The following CMIP variants were observed in gnomAD, a reference collection of about 807,000 sequenced individuals.
The protein encoded by CMIP is C-Maf-inducing protein.
CMIP carries 13 observed loss-of-function variants against 97.3 expected under a neutral mutation model. That is an observed-to-expected ratio of 0.13 (90% CI 0.09 to 0.21). The LOEUF is 0.21. CMIP is among the 10% of genes least tolerant of loss of function. The pLI is 1.00. For synonymous variants in CMIP, 538 were observed against 436.3 expected (o/e 1.23, Z -2.91); for missense variants, 847 against 1,024.9 (o/e 0.83, Z 2.37).
Position 81,584,628 on chromosome 16 carries a change from G to T in CMIP, c.301-22939G>T, listed in dbSNP as rs114265054. Among the ~76,000 whole-genome samples, 312 of 152,072 alleles carry T rather than the reference G, an allele frequency of 2.1e-3. 3 individuals are homozygous for T. The highest frequency in any genetic ancestry group is 7.0e-3 in the African/African-American group (290 of 41,478). On this transcript the variant is annotated intron_variant, in intron 1 of 20. Transcript: ENST00000537098. ...GCTGCAGTCCCACATAATGACAGGA[G>T]CCTTGGTTCATCCAACTAGGAAGAC...
chr16:81,600,275 G>GAAAAAAAAAAAAA (rs71146022), intron 1 of CMIP, among the ~76,000 whole-genome samples: 1 of 81,714 alleles, frequency 1.2e-5, no homozygotes, highest in Non-Finnish European at 2.3e-5. Context: ...GACTCCATCT[G>GAAAAAAAAAAAAA]AAAAAAAAAA....
At chr16:81,675,918 G>T (rs564445540) in intron 9 of CMIP, among the ~76,000 whole-genome samples, 46 of 152,298 alleles carry the variant, frequency 3.0e-4, no homozygotes, top group African/African-American at 1.1e-3. Context: ...TGCAGGCTGG[G>T]GATCACTCTG....
At chr16:81,486,723 G>A (rs1473199353) in intron 1 of CMIP, among the ~76,000 whole-genome samples, 1 of 152,248 alleles carries the variant, frequency 6.6e-6, no homozygotes, top group South Asian at 2.1e-4. Flanking sequence ...AACTCCCTAA[G>A]CGAATCCAGC....
At chr16:81,672,708 T>G (rs771591159) in intron 9 of CMIP, among the ~76,000 whole-genome samples, 1 of 152,280 alleles carries the variant, frequency 6.6e-6, no homozygotes, top group East Asian at 1.9e-4. Flanking sequence ...CCCGAGTAGC[T>G]AGGACCACAG....
In CMIP at chr16:81,516,616, G is replaced by T. The variant is rs114216145; in HGVS notation, c.300+71075G>T. Among the ~76,000 whole-genome samples the T allele has an allele frequency of 1.8e-3, 276 of 152,318 alleles. 2 individuals carry two copies. Among genetic ancestry groups the T allele is most frequent in the African/African-American group, 6.4e-3 (267 of 41,586 alleles). On this transcript the variant is annotated intron_variant, in intron 1 of 20. Transcript: ENST00000537098. ...CTCCCAGCCTGGATGCATCTCGTCA[G>T]TGCGCGGGCACTTGTGCGTCACTGC...
At chr16:81,468,636 G>C (rs1382814615) in intron 1 of CMIP, among the ~76,000 whole-genome samples, 1 of 152,260 alleles carries the variant, frequency 6.6e-6, no homozygotes, top group Non-Finnish European at 1.5e-5. Flanking sequence ...GGAGTGTGGA[G>C]ACAACAGCAT....
At chr16:81,556,607 G>A (rs562137750) in intron 1 of CMIP, among the ~76,000 whole-genome samples, 1 of 152,188 alleles carries the variant, frequency 6.6e-6, no homozygotes, top group African/African-American at 2.4e-5. Context: ...AAGGGGAGCC[G>A]GGAGTTGGTG....
chr16:81,627,785 C>T lies in CMIP; in HGVS notation c.477+6859C>T, dbSNP rs1421627830. Among the ~76,000 whole-genome samples, 2 of 152,178 alleles carry T rather than the reference C, an allele frequency of 1.3e-5. No individual in the cohort carries two copies. Among genetic ancestry groups the T allele is most frequent in the Non-Finnish European group, 2.9e-5 (2 of 68,026 alleles). On this transcript the variant is annotated intron_variant, in intron 3 of 20. Transcript: ENST00000537098. The surrounding 1 kb of genome is among the most constrained non-coding windows in gnomAD (Gnocchi z 4.6). The stretch of plus-strand genomic sequence containing the variant: ...TGCCTCCCAGCGAGGGTCACAATCT[C>T]GCTTCCACCTCATGAGTGGCTGCGG...
chr16:81,563,105 C>G (rs4889339), intron 1 of CMIP, among the ~76,000 whole-genome samples: 24,053 of 152,260 alleles, frequency 0.16, 2,415 homozygotes, highest in African/African-American at 0.29. Flanking sequence ...CACAAAGCCT[C>G]CCCCAGCTGG....
chr16:81,605,458 A>C lies in CMIP; in HGVS notation c.301-2109A>C, dbSNP rs2091727146. Among the ~76,000 whole-genome samples, 3 of 152,116 alleles carry C rather than the reference A, an allele frequency of 2.0e-5. No individual in the cohort carries two copies. The South Asian group carries it at 6.2e-4, about 31-fold the overall frequency. On this transcript the variant is annotated intron_variant, in intron 1 of 20. Transcript: ENST00000537098. ...CCCCCTGCCACCACTGTCTCCTTTC[A>C]AGTCTGTTTTCTATGCAGCAATCCC...
intron 1 of CMIP, among the ~76,000 whole-genome samples, chr16:81,573,895 T>G (rs983986537): frequency 6.6e-6 from 1 of 152,144 alleles, no homozygotes; most frequent in Admixed American, 6.5e-5. Context: ...GAGCAGTGAG[T>G]GTGTCTCAGA....
intron 1 of CMIP, among the ~76,000 whole-genome samples, chr16:81,450,542 G>C (rs896924746): frequency 2.0e-5 from 3 of 152,176 alleles, no homozygotes; most frequent in Non-Finnish European, 4.4e-5. Context: ...TCCAATTCCT[G>C]TTTTGCTAAT....
At chr16:81,702,491 C>T (rs1219629839) in intron 16 of CMIP, 131 bp from the exon 17 acceptor site, 1 of 940,142 alleles carries the variant, frequency 1.1e-6, no homozygotes, top group Non-Finnish European at 1.7e-6. Context: ...CCCCTGAGAC[C>T]AAGACCACCG....
rs2151088371 is a variant in CMIP at position 81,696,542 on chromosome 16, T to C, written c.1531-18T>C. ...GGGCTGCATGCAGCTCACACTTGTGTCTTCCCTTGTCTGGCAGGTCCACTC... is the reference window on the plus strand; with the variant it reads ...GGGCTGCATGCAGCTCACACTTGTGCCTTCCCTTGTCTGGCAGGTCCACTC... On this transcript the variant is annotated intron_variant, in intron 13 of 20. Coordinates refer to ENST00000537098, the MANE Select transcript of CMIP (RefSeq NM_198390.3). The C allele has an allele frequency of 6.3e-7, 1 of 1,599,578 alleles. No homozygotes were observed. The highest frequency in any genetic ancestry group is 1.3e-5 in the African/African-American group (1 of 75,008).
At chr16:81,602,547 A>G (rs932760250) in intron 1 of CMIP, among the ~76,000 whole-genome samples, 2 of 152,226 alleles carry the variant, frequency 1.3e-5, no homozygotes, top group Non-Finnish European at 2.9e-5. Context: ...GTCAATACAG[A>G]GAATATTCCC....
At chr16:81,679,917 C>G (rs1054191644) in intron 10 of CMIP, among the ~76,000 whole-genome samples, 6 of 152,202 alleles carry the variant, frequency 3.9e-5, no homozygotes, top group Non-Finnish European at 1.5e-5. Context: ...CACAGACCAG[C>G]TCAGGTCTGC....
At chr16:81,640,399 G>T (rs541644247) in intron 3 of CMIP, among the ~76,000 whole-genome samples, 20 of 152,116 alleles carry the variant, frequency 1.3e-4, no homozygotes, top group Admixed American at 1.2e-3. Flanking sequence ...AAATGATGGG[G>T]CTGGACGGCT....
chr16:81,562,849 C>A (rs773462626), intron 1 of CMIP, among the ~76,000 whole-genome samples: 26 of 152,226 alleles, frequency 1.7e-4, no homozygotes, highest in Non-Finnish European at 3.4e-4. Flanking sequence ...CAAAGTCACA[C>A]AGCAGCCAAG....
chr16:81,610,249 G>C, intron 2 of CMIP: 9 of 933,050 alleles, frequency 9.6e-6, no homozygotes, highest in Non-Finnish European at 1.0e-5. Context: ...CGCGGGCCCA[G>C]CTGTGATGAC....
Sources: allele counts gnomAD v4.1 joint callset (sites outside exome capture counted in the v4.1 genomes callset), GRCh38; gene constraint gnomAD v4.1.1; non-coding constraint Gnocchi (gnomAD v3.1); transcripts MANE v1.5; gene names NCBI Gene and HGNC (gene_info 2026-07-23, HGNC 2026-07-21).